GPC6: variants seen among roughly 807,000 people sequenced by gnomAD.
The protein encoded by GPC6 is glypican-6.
GPC6 carries 14 observed loss-of-function variants against 55.2 expected under a neutral mutation model. The observed-to-expected ratio is 0.25, with a 90% CI of 0.17 to 0.40. The LOEUF (loss-of-function observed/expected upper bound fraction) is 0.40, where lower values mean the gene tolerates loss of function less well. Ranked by LOEUF, GPC6 falls within the 10% of genes least tolerant of loss-of-function variation. The pLI is 1.00. For synonymous variants in GPC6, 278 were observed against 259.6 expected (o/e 1.07, Z -0.68); for missense variants, 641 against 708.5 (o/e 0.90, Z 1.08).
At chr13:93,970,410 C>T (rs958811494) in intron 3 of GPC6, among the ~76,000 whole-genome samples, 1 of 152,196 alleles carries the variant, frequency 6.6e-6, no homozygotes, top group Non-Finnish European at 1.5e-5. Flanking sequence ...GAGTTGCTCA[C>T]TGGAAGAAGT....
At chr13:94,325,186 G>GAGAAGAA (rs139782978) in intron 6 of GPC6, among the ~76,000 whole-genome samples, 12,702 of 151,912 alleles carry the variant, frequency 0.084, 1,799 homozygotes, top group African/African-American at 0.29. Flanking sequence ...AAGAGGAGAA[G>GAGAAGAA]AGAAGAAAGA....
chr13:93,648,835 C>T (rs1183843889), intron 2 of GPC6, among the ~76,000 whole-genome samples: 1 of 152,136 alleles, frequency 6.6e-6, no homozygotes, highest in South Asian at 2.1e-4. Flanking sequence ...ACCCATGTCA[C>T]GCAAAACTTA....
intron 1 of GPC6, among the ~76,000 whole-genome samples, chr13:93,441,717 T>G (rs1028422247): frequency 3.9e-5 from 6 of 152,200 alleles, no homozygotes; most frequent in Admixed American, 2.6e-4. Flanking sequence ...GTTTGTCAAT[T>G]TTGGCTTTTG....
chr13:93,489,285 G>C (rs1029183934), intron 1 of GPC6, among the ~76,000 whole-genome samples: 10 of 151,340 alleles, frequency 6.6e-5, no homozygotes, highest in Admixed American at 2.0e-4. Flanking sequence ...GGTTGTAGAT[G>C]TGTGGTATTA....
At chr13:93,778,599 ATATTT>A (rs1262139808) in intron 2 of GPC6, among the ~76,000 whole-genome samples, 1 of 152,130 alleles carries the variant, frequency 6.6e-6, no homozygotes, top group Non-Finnish European at 1.5e-5. Flanking sequence ...AAAACTGGTA[ATATTT>A]TAGGTACCCA....
intron 2 of GPC6, among the ~76,000 whole-genome samples, chr13:93,693,461 C>CTCTGTGTGTG (rs1882333303): frequency 7.2e-6 from 1 of 139,342 alleles, no homozygotes. Flanking sequence ...GTATGTATAT[C>CTCTGTGTGTG]TGTGTGTGTG....
chr13:93,408,986 G>A (rs1438809161), intron 1 of GPC6, among the ~76,000 whole-genome samples: 1 of 152,022 alleles, frequency 6.6e-6, no homozygotes, highest in East Asian at 1.9e-4. Context: ...TTCAATCTGA[G>A]GACAGTACAG....
chr13:93,324,129 C>G (rs942875384), intron 1 of GPC6, among the ~76,000 whole-genome samples: 1 of 152,046 alleles, frequency 6.6e-6, no homozygotes, highest in African/African-American at 2.4e-5. Flanking sequence ...AGAATAAGAT[C>G]CTGTCATTTG....
chr13:93,749,165 A>T (rs1316846), intron 2 of GPC6, among the ~76,000 whole-genome samples: 7,570 of 152,014 alleles, frequency 0.05, 371 homozygotes, highest in East Asian at 0.28. Flanking sequence ...AACTTCTCAC[A>T]TACTCTTTAT....
chr13:94,099,599 A>G lies in GPC6; in HGVS notation c.877+71705A>G, dbSNP rs1174731021. ...TGAAACTAGTTTTTTATTAAAAGGT[A>G]AAGGTATTTGCTTACTTTTATAAAT... is the stretch of plus-strand genomic sequence containing the variant. On this transcript the variant is annotated intron_variant, in intron 4 of 8. Coordinates refer to ENST00000377047, the MANE Select transcript of GPC6 (RefSeq NM_005708.5). 2.0e-5 allele frequency among the ~76,000 whole-genome samples: 3 copies of G among 152,306 alleles called. No individual in the cohort carries two copies. In the East Asian group the frequency reaches 5.8e-4, roughly 29 times the overall value.
chr13:93,495,812 G>C (rs1880242320), intron 1 of GPC6, among the ~76,000 whole-genome samples: 1 of 146,640 alleles, frequency 6.8e-6, no homozygotes, highest in Admixed American at 6.9e-5. Flanking sequence ...CCCTGCTGGG[G>C]GGTGTCTCCC....
chr13:94,175,466 G>A (rs1027173367), intron 4 of GPC6, among the ~76,000 whole-genome samples: 4 of 152,044 alleles, frequency 2.6e-5, no homozygotes, highest in African/African-American at 9.7e-5. Flanking sequence ...TTCTTGTTGA[G>A]GAACATTTGG....
intron 3 of GPC6, among the ~76,000 whole-genome samples, chr13:93,960,835 CAG>C (rs1461859074): frequency 7.7e-6 from 1 of 129,976 alleles, no homozygotes; most frequent in African/African-American, 2.9e-5. Context: ...TTTTTTGAGA[CAG>C]AGTCTTGCTC....
intron 2 of GPC6, among the ~76,000 whole-genome samples, chr13:93,725,630 C>T (rs1443647115): frequency 6.6e-6 from 1 of 151,974 alleles, no homozygotes; most frequent in African/African-American, 2.4e-5. Flanking sequence ...GTTTATACAG[C>T]CCCAAGACTG....
chr13:94,009,787 A>T (rs555441538), intron 3 of GPC6, among the ~76,000 whole-genome samples: 1 of 152,256 alleles, frequency 6.6e-6, no homozygotes, highest in African/African-American at 2.4e-5. Flanking sequence ...CTCTCCTGAG[A>T]GTTATGTACG....
At chr13:94,112,804 A>T (rs1050459286) in intron 4 of GPC6, among the ~76,000 whole-genome samples, 1 of 152,022 alleles carries the variant, frequency 6.6e-6, no homozygotes, top group Non-Finnish European at 1.5e-5. Context: ...TTGTCTGTAG[A>T]TACAGATTGC....
At chr13:93,788,085 C>A (rs1885871141) in intron 2 of GPC6, among the ~76,000 whole-genome samples, 1 of 152,088 alleles carries the variant, frequency 6.6e-6, no homozygotes, top group South Asian at 2.1e-4. Flanking sequence ...GTTTATACTG[C>A]TATAATAGAA....
At chr13:93,440,204 T>C (rs1462890494) in intron 1 of GPC6, among the ~76,000 whole-genome samples, 1 of 152,182 alleles carries the variant, frequency 6.6e-6, no homozygotes, top group African/African-American at 2.4e-5. Context: ...TCATCAGTCT[T>C]CTTCACAGAT....
intron 4 of GPC6, among the ~76,000 whole-genome samples, chr13:94,284,902 A>G (rs1296669059): frequency 7.3e-5 from 11 of 151,294 alleles, no homozygotes; most frequent in Non-Finnish European, 5.9e-5. Context: ...ATCTACCCTC[A>G]GCAAATTTTT....
Sources: allele counts gnomAD v4.1 joint callset (sites outside exome capture counted in the v4.1 genomes callset), GRCh38; gene constraint gnomAD v4.1.1; transcripts MANE v1.5; gene names NCBI Gene and HGNC (gene_info 2026-07-23, HGNC 2026-07-21).